The following GRID2 variants were observed in gnomAD, a reference collection of about 807,000 sequenced individuals.
GRID2 encodes glutamate ionotropic receptor delta type subunit 2.
Under a neutral mutation model 114.8 loss-of-function variants are expected in GRID2, and 33 were observed. The observed-to-expected ratio is 0.29, with a 90% CI of 0.22 to 0.38. The LOEUF is 0.38. Ranked by LOEUF, GRID2 falls within the 10% of genes least tolerant of loss-of-function variation. The pLI is 1.00. For missense variants in GRID2, 1,184 were observed against 1,257.7 expected, an observed-to-expected ratio of 0.94 and a Z score of 0.89; for synonymous variants, 505 against 449.9, an observed-to-expected ratio of 1.12 and a Z score of -1.55.
intron 1 of GRID2, among the ~76,000 whole-genome samples, chr4:92,356,320 T>C (rs539555128): frequency 9.2e-5 from 14 of 151,494 alleles, no homozygotes; most frequent in Non-Finnish European, 1.6e-4. Context: ...ATGTTAGAGT[T>C]CACTATTTTA....
chr4:93,005,453 T>G (rs947409529), intron 2 of GRID2, among the ~76,000 whole-genome samples: 1 of 152,040 alleles, frequency 6.6e-6, no homozygotes, highest in Admixed American at 6.6e-5. Context: ...CTTCCCCGTT[T>G]CCCAGCTTTC....
At chr4:93,376,756 G>A (rs575601317) in intron 8 of GRID2, among the ~76,000 whole-genome samples, 31 of 152,248 alleles carry the variant, frequency 2.0e-4, no homozygotes, top group African/African-American at 7.5e-4. Flanking sequence ...ACTTATAAGT[G>A]GGAGCTGAAC....
intron 13 of GRID2, among the ~76,000 whole-genome samples, chr4:93,613,771 G>A (rs372963927): frequency 1.3e-5 from 2 of 150,582 alleles, no homozygotes; most frequent in African/African-American, 2.4e-5. Context: ...TTTTGTTTGT[G>A]TGTGCCCTGC....
At chr4:93,578,119 G>A (rs148140907) in intron 13 of GRID2, among the ~76,000 whole-genome samples, 17 of 152,210 alleles carry the variant, frequency 1.1e-4, no homozygotes, top group South Asian at 2.1e-4. Flanking sequence ...CTGCTCTTCC[G>A]TGGTTTCATC....
intron 8 of GRID2, among the ~76,000 whole-genome samples, chr4:93,271,599 A>C (rs561925664): frequency 9.9e-5 from 15 of 152,204 alleles, no homozygotes; most frequent in Non-Finnish European, 1.9e-4. Flanking sequence ...AATTTTCACT[A>C]AGGTTAGAGG....
chr4:93,471,453 G>T (rs1724792432), intron 11 of GRID2, among the ~76,000 whole-genome samples: 1 of 151,930 alleles, frequency 6.6e-6, no homozygotes, highest in South Asian at 2.1e-4. Context: ...TCTATAATAG[G>T]TCTGAGGGGT....
chr4:92,883,319 C>T (rs1746147572), intron 2 of GRID2, among the ~76,000 whole-genome samples: 1 of 152,154 alleles, frequency 6.6e-6, no homozygotes, highest in Non-Finnish European at 1.5e-5. Flanking sequence ...TTCTAATGCT[C>T]TTGCTGTTTT....
chr4:92,960,042 T>A (rs1752698556), intron 2 of GRID2, among the ~76,000 whole-genome samples: 1 of 151,968 alleles, frequency 6.6e-6, no homozygotes, highest in Admixed American at 6.6e-5. Context: ...AAGGGGTGTA[T>A]TTGTTTAATT....
intron 2 of GRID2, among the ~76,000 whole-genome samples, chr4:92,791,219 T>G (rs1578195889): frequency 6.6e-6 from 1 of 151,780 alleles, no homozygotes; most frequent in East Asian, 2.0e-4. Flanking sequence ...TAGTGGTAAG[T>G]TTATGGACTG....
chr4:92,948,347 T>C (rs1332987325), intron 2 of GRID2, among the ~76,000 whole-genome samples: 1 of 151,896 alleles, frequency 6.6e-6, no homozygotes, highest in Non-Finnish European at 1.5e-5. Context: ...GTGGGTATAA[T>C]CTATCCTGTC....
intron 8 of GRID2, among the ~76,000 whole-genome samples, chr4:93,248,631 C>T (rs1452405993): frequency 2.6e-5 from 4 of 152,226 alleles, no homozygotes; most frequent in Non-Finnish European, 4.4e-5. Flanking sequence ...ATTACACATT[C>T]TCTTTTAGCA....
intron 1 of GRID2, among the ~76,000 whole-genome samples, chr4:93,784,213 A>AGAG: frequency 6.6e-6 from 1 of 151,618 alleles, no homozygotes; most frequent in East Asian, 1.9e-4. Context: ...GAAGCCTTGT[A>AGAG]GTAAGTCTCC....
chr4:92,590,298 A>G lies in GRID2; in HGVS notation c.244+12A>G, dbSNP rs371408681. 29 of 1,597,364 alleles carry G rather than the reference A, an allele frequency of 1.8e-5. 1 individual carries two copies. In the African/African-American group the frequency reaches 3.9e-4, roughly 22 times the overall value. The stretch of plus-strand genomic sequence containing the variant: ...AGCAGTTCAAGAAGGTAAGGTCATC[A>G]GTATTTATTTTGGTTTTTTGGTTCA... On this transcript the variant is annotated intron_variant, in intron 2 of 15. Coordinates refer to ENST00000282020, the MANE Select transcript of GRID2 (RefSeq NM_001510.4).
At chr4:92,760,454 C>T (rs1737951297) in intron 2 of GRID2, among the ~76,000 whole-genome samples, 1 of 152,050 alleles carries the variant, frequency 6.6e-6, no homozygotes, top group South Asian at 2.1e-4. Flanking sequence ...ACAGCCAGTG[C>T]TTGTGACATG....
At chr4:93,066,399 T>C (rs1353051337) in intron 2 of GRID2, among the ~76,000 whole-genome samples, 8 of 151,928 alleles carry the variant, frequency 5.3e-5, no homozygotes, top group Non-Finnish European at 1.2e-4. Context: ...CTGGACAAAT[T>C]AATATTCAAT....
intron 2 of GRID2, among the ~76,000 whole-genome samples, chr4:92,924,587 A>C (rs918974400): frequency 6.6e-6 from 1 of 152,150 alleles, no homozygotes; most frequent in Non-Finnish European, 1.5e-5. Flanking sequence ...ATAGAGCACT[A>C]AATCTTGTAG....
At chr4:92,896,284 G>A (rs942970519) in intron 2 of GRID2, among the ~76,000 whole-genome samples, 2 of 152,172 alleles carry the variant, frequency 1.3e-5, no homozygotes, top group Admixed American at 6.5e-5. Context: ...TGTATTCAAC[G>A]TGATTTCTTG....
intron 1 of GRID2, among the ~76,000 whole-genome samples, chr4:92,514,306 CAA>C (rs1245823234): frequency 6.6e-6 from 1 of 151,754 alleles, no homozygotes; most frequent in Non-Finnish European, 1.5e-5. Context: ...TTTGACAGCA[CAA>C]GTTACTTTAT....
At chr4:93,354,849 C>T (rs1761171752) in intron 8 of GRID2, among the ~76,000 whole-genome samples, 1 of 144,760 alleles carries the variant, frequency 6.9e-6, no homozygotes, top group Non-Finnish European at 1.5e-5. Flanking sequence ...ATAAAATGTT[C>T]AATAAGGCCT....
Sources: gnomAD v4.1 joint callset for allele counts (sites outside exome capture counted in the v4.1 genomes callset) on GRCh38, gnomAD v4.1.1 for gene constraint, MANE v1.5 for transcripts, NCBI Gene and HGNC (gene_info 2026-07-23, HGNC 2026-07-21) for gene names.